Variants in UMAD1 observed in about 807,000 individuals in gnomAD.
UMAD1 encodes the protein UBAP1-MVB12-associated (UMA) domain containing 1, also known as UBAP1-MVB12-associated (UMA)-domain containing protein 1.
Under a neutral mutation model 6.1 loss-of-function variants are expected in UMAD1, and 8 were observed. That is an observed-to-expected ratio of 1.30 (90% CI 0.76 to 2.35). UMAD1 has a LOEUF of 2.35. Among genes scored for constraint, UMAD1 ranks in the 30% most tolerant of loss-of-function variants. UMAD1 has a pLI of 0.00. For missense variants in UMAD1, 130 were observed against 78.4 expected, an observed-to-expected ratio of 1.66 and a Z score of -2.49; for synonymous variants, 56 against 31.4, an observed-to-expected ratio of 1.78 and a Z score of -2.61.
intron 3 of UMAD1, among the ~76,000 whole-genome samples, chr7:7,808,946 T>A (rs1782973343): frequency 6.6e-6 from 1 of 151,938 alleles, no homozygotes; most frequent in Non-Finnish European, 1.5e-5. Flanking sequence ...GTGGTTATAC[T>A]GACAGAAGAC....
At chr7:7,662,385 C>T (rs1431854413) in intron 1 of UMAD1, among the ~76,000 whole-genome samples, 1 of 152,168 alleles carries the variant, frequency 6.6e-6, no homozygotes, top group African/African-American at 2.4e-5. Context: ...CTGCAGCTAG[C>T]TCGATGTCTG....
intron 2 of UMAD1, among the ~76,000 whole-genome samples, chr7:7,700,454 A>C (rs2115152790): frequency 6.6e-6 from 1 of 152,298 alleles, no homozygotes; most frequent in Middle Eastern, 3.4e-3. Flanking sequence ...GGCTGGGTGC[A>C]GTGGCTCATG....
intron 2 of UMAD1, among the ~76,000 whole-genome samples, chr7:7,717,351 C>T (rs1000375498): frequency 6.6e-6 from 1 of 152,152 alleles, no homozygotes; most frequent in African/African-American, 2.4e-5. Context: ...GCCACCTCGC[C>T]CAGCCTCCTG....
chr7:7,813,531 C>A (rs1783065627), intron 3 of UMAD1, among the ~76,000 whole-genome samples: 2 of 151,912 alleles, frequency 1.3e-5, no homozygotes, highest in African/African-American at 2.4e-5. Context: ...ATGCCACTTG[C>A]AGAGGGAGAA....
intron 3 of UMAD1, among the ~76,000 whole-genome samples, chr7:7,841,102 A>G (rs1454977954): frequency 3.3e-5 from 5 of 152,140 alleles, no homozygotes; most frequent in African/African-American, 1.2e-4. Context: ...TAAACATATA[A>G]CATTCTAATA....
chr7:7,727,122 G>A (rs888858561), intron 2 of UMAD1, among the ~76,000 whole-genome samples: 1 of 152,178 alleles, frequency 6.6e-6, no homozygotes, highest in African/African-American at 2.4e-5. Context: ...AGAATGGGTA[G>A]GATAAAAAGG....
intron 2 of UMAD1, among the ~76,000 whole-genome samples, chr7:7,698,711 C>G (rs1780376426): frequency 6.6e-6 from 1 of 152,026 alleles, no homozygotes. Context: ...TTCTCCAGCT[C>G]TTAATAATTA....
intron 1 of UMAD1, among the ~76,000 whole-genome samples, chr7:7,661,988 C>T (rs1254423307): frequency 6.6e-6 from 1 of 152,174 alleles, no homozygotes; most frequent in Non-Finnish European, 1.5e-5. Context: ...TGCTGCCTTT[C>T]TTTCAGAGAT....
rs1583857010 is a variant in UMAD1, at chr7:7,830,036, G to T, written c.156+28293G>T. ...TCTTCCTTCTGACTTTTGCCTTTCT[G>T]GTCTATTCTTTACACAGCACTAGAG... On this transcript the variant is annotated intron_variant, in intron 3 of 3. Transcript: ENST00000682710. The surrounding 1 kb of genome is among the most constrained non-coding windows in gnomAD (Gnocchi z 5.3). Among the ~76,000 whole-genome samples the T allele has an allele frequency of 6.6e-6, 1 of 152,002 alleles. No homozygotes were observed. The highest frequency in any genetic ancestry group is 1.5e-5 in the Non-Finnish European group (1 of 68,020).
intron 2 of UMAD1, among the ~76,000 whole-genome samples, chr7:7,770,162 T>G (rs1782071651): frequency 6.6e-6 from 1 of 152,180 alleles, no homozygotes; most frequent in East Asian, 1.9e-4. Context: ...CTCATATTTC[T>G]AAGGAAATAG....
chr7:7,791,278 A>G (rs1411331184), intron 2 of UMAD1, among the ~76,000 whole-genome samples: 6 of 152,226 alleles, frequency 3.9e-5, no homozygotes, highest in Non-Finnish European at 8.8e-5. Flanking sequence ...TGTTCTCAGC[A>G]GAGCCTGTAG....
chr7:7,865,200 G>T (rs1384818323), intron 3 of UMAD1, among the ~76,000 whole-genome samples: 3 of 152,222 alleles, frequency 2.0e-5, no homozygotes, highest in Non-Finnish European at 4.4e-5. Flanking sequence ...TAGCTCGTCA[G>T]TCAAAAGTAC....
intron 3 of UMAD1, among the ~76,000 whole-genome samples, chr7:7,802,532 G>T (rs1161055060): frequency 6.6e-6 from 1 of 152,210 alleles, no homozygotes; most frequent in South Asian, 2.1e-4. Context: ...TGAAAATGTA[G>T]TTAGGATACT....
chr7:7,768,156 T>A (rs1360706238), intron 2 of UMAD1, among the ~76,000 whole-genome samples: 1 of 152,196 alleles, frequency 6.6e-6, no homozygotes, highest in East Asian at 1.9e-4. Flanking sequence ...TGTTTTTATA[T>A]GCCCAATACC....
chr7:7,731,666 A>G (rs1781261768), intron 2 of UMAD1, among the ~76,000 whole-genome samples: 1 of 152,208 alleles, frequency 6.6e-6, no homozygotes, highest in Admixed American at 6.5e-5. Context: ...GCAATAAAAG[A>G]GAGTTTTCAG....
chr7:7,663,071 G>A (rs1367620119), intron 1 of UMAD1, among the ~76,000 whole-genome samples: 1 of 151,642 alleles, frequency 6.6e-6, no homozygotes, highest in Non-Finnish European at 1.5e-5. Context: ...CCCAGCACAG[G>A]CACCCAAATG....
chr7:7,858,061 A>G (rs1171985778), intron 3 of UMAD1, among the ~76,000 whole-genome samples: 1 of 152,182 alleles, frequency 6.6e-6, no homozygotes, highest in African/African-American at 2.4e-5. Context: ...AGTATTCCCC[A>G]TCTGTTAAGT....
chr7:7,845,831 A>G (rs1256389010), intron 3 of UMAD1, among the ~76,000 whole-genome samples: 1 of 152,120 alleles, frequency 6.6e-6, no homozygotes, highest in African/African-American at 2.4e-5. Flanking sequence ...TAAATTACAA[A>G]TTTTTATTGG....
At chr7:7,821,468 G>A (rs1222157043) in intron 3 of UMAD1, among the ~76,000 whole-genome samples, 1 of 152,138 alleles carries the variant, frequency 6.6e-6, no homozygotes, top group East Asian at 1.9e-4. Flanking sequence ...AAAATTATAT[G>A]TGTTTCACCT....
Sources: allele counts gnomAD v4.1 joint callset (sites outside exome capture counted in the v4.1 genomes callset), GRCh38; gene constraint gnomAD v4.1.1; non-coding constraint Gnocchi (gnomAD v3.1); transcripts MANE v1.5; gene names NCBI Gene and HGNC (gene_info 2026-07-23, HGNC 2026-07-21).